The following SIPA1L2 variants were observed in gnomAD, a reference collection of about 807,000 sequenced individuals.
SIPA1L2 encodes the protein signal induced proliferation associated 1 like 2.
Under a neutral mutation model 163.9 loss-of-function variants are expected in SIPA1L2, and 56 were observed. The ratio of observed to expected loss-of-function variants is 0.34; its 90% CI spans 0.28 to 0.43. The LOEUF (loss-of-function observed/expected upper bound fraction) is 0.43. Among genes scored for constraint, SIPA1L2 ranks in the 20% least tolerant of loss-of-function variants. SIPA1L2 has a pLI of 1.00. For missense variants in SIPA1L2, 1,974 were observed against 2,193.5 expected, an observed-to-expected ratio of 0.90 and a Z score of 2.00; for synonymous variants, 877 against 865.7, an observed-to-expected ratio of 1.01 and a Z score of -0.23.
intron 10 of SIPA1L2, among the ~76,000 whole-genome samples, chr1:232,453,746 CTTTTTTTT>C (rs10711839): frequency 7.7e-6 from 1 of 130,210 alleles, no homozygotes; most frequent in African/African-American, 2.9e-5. Flanking sequence ...AAACACAAGG[CTTTTTTTT>C]TTTTTTTTTG....
intron 5 of SIPA1L2, among the ~76,000 whole-genome samples, chr1:232,487,954 A>G (rs1034707877): frequency 9.8e-5 from 14 of 143,376 alleles, no homozygotes; most frequent in African/African-American, 2.7e-4. Context: ...ACACACACAC[A>G]CGCACACATA....
intron 15 of SIPA1L2, among the ~76,000 whole-genome samples, chr1:232,437,355 G>A (rs1662625336): frequency 6.6e-6 from 1 of 151,878 alleles, no homozygotes; most frequent in Non-Finnish European, 1.5e-5. Context: ...AATTAAGCCA[G>A]GAATAATTCA....
At chr1:232,594,415 A>C (rs1249345722) in intron 1 of SIPA1L2, among the ~76,000 whole-genome samples, 1 of 152,050 alleles carries the variant, frequency 6.6e-6, no homozygotes, top group Non-Finnish European at 1.5e-5. Flanking sequence ...AGCACACAGG[A>C]GAGACGTGAG....
At chr1:232,532,887 A>C (rs1657062445) in intron 2 of SIPA1L2, among the ~76,000 whole-genome samples, 1 of 152,220 alleles carries the variant, frequency 6.6e-6, no homozygotes, top group Non-Finnish European at 1.5e-5. Context: ...CGCTAAAGAG[A>C]ACTGTGGAAC....
intron 15 of SIPA1L2, among the ~76,000 whole-genome samples, 199 bp from the exon 16 acceptor site, chr1:232,432,670 G>C (rs1572889757): frequency 2.0e-5 from 3 of 152,230 alleles, no homozygotes; most frequent in Admixed American, 2.0e-4. Flanking sequence ...TTACTCACGT[G>C]CAAGTTGTAT....
chr1:232,462,936 A>G (rs1441011367), intron 9 of SIPA1L2, among the ~76,000 whole-genome samples: 1 of 152,136 alleles, frequency 6.6e-6, no homozygotes, highest in East Asian at 1.9e-4. Flanking sequence ...TAACATCCCC[A>G]AAGTCTGAAG....
chr1:232,606,068 G>C (rs1185282698), intron 1 of SIPA1L2, among the ~76,000 whole-genome samples: 1 of 152,336 alleles, frequency 6.6e-6, no homozygotes, highest in East Asian at 1.9e-4. Flanking sequence ...AACAGCAAGA[G>C]AAAGGACCTC....
intron 5 of SIPA1L2, among the ~76,000 whole-genome samples, 163 bp from the exon 6 acceptor site, chr1:232,484,129 T>C (rs1293449393): frequency 2.6e-5 from 4 of 152,192 alleles, no homozygotes; most frequent in Admixed American, 2.0e-4. Context: ...CTGTGAAAGA[T>C]GCTACAAATA....
intron 11 of SIPA1L2, among the ~76,000 whole-genome samples, chr1:232,443,905 A>C (rs1305151052): frequency 6.6e-6 from 1 of 152,242 alleles, no homozygotes; most frequent in East Asian, 1.9e-4. Context: ...TGTCCTAGGA[A>C]AGAGGTATGA....
intron 2 of SIPA1L2, among the ~76,000 whole-genome samples, chr1:232,565,002 C>T (rs537700635): frequency 3.3e-4 from 51 of 152,266 alleles, no homozygotes; most frequent in Admixed American, 1.1e-3. Context: ...ACCACCATGG[C>T]ACATGTATAC....
At chr1:232,450,301 T>C (rs1663494960) in intron 10 of SIPA1L2, among the ~76,000 whole-genome samples, 2 of 152,252 alleles carry the variant, frequency 1.3e-5, no homozygotes, top group African/African-American at 4.8e-5. Context: ...CAAGGCTCTA[T>C]AAGTTTTGTT....
intron 3 of SIPA1L2, among the ~76,000 whole-genome samples, chr1:232,498,390 T>C (rs1666304608): frequency 6.6e-6 from 1 of 152,196 alleles, no homozygotes; most frequent in Non-Finnish European, 1.5e-5. Context: ...TGAGAACTTA[T>C]ATATCTATTG....
chr1:232,580,453 G>C (rs574195579), intron 1 of SIPA1L2, among the ~76,000 whole-genome samples: 2 of 152,160 alleles, frequency 1.3e-5, no homozygotes, highest in East Asian at 3.9e-4. Flanking sequence ...AGCCCAGTAG[G>C]TGTCAGCCTC....
At chr1:232,508,338 G>A (rs1021672903) in intron 3 of SIPA1L2, among the ~76,000 whole-genome samples, 3 of 152,110 alleles carry the variant, frequency 2.0e-5, no homozygotes, top group African/African-American at 7.2e-5. Context: ...GCACAGAACC[G>A]TTTTAGAACT....
intron 11 of SIPA1L2, among the ~76,000 whole-genome samples, chr1:232,444,928 AG>A (rs1028507297): frequency 2.8e-4 from 43 of 152,354 alleles, no homozygotes; most frequent in African/African-American, 1.0e-3. Context: ...AACAACAATA[AG>A]AAATTTATTA....
intron 2 of SIPA1L2, among the ~76,000 whole-genome samples, chr1:232,547,819 C>A (rs1329390034): frequency 6.6e-6 from 1 of 152,142 alleles, no homozygotes; most frequent in Non-Finnish European, 1.5e-5. Flanking sequence ...CCAAATCCCT[C>A]AAGCTTTAAG....
At chr1:232,627,854 G>T (rs1167322519) in intron 1 of SIPA1L2, among the ~76,000 whole-genome samples, 1 of 152,204 alleles carries the variant, frequency 6.6e-6, no homozygotes, top group Non-Finnish European at 1.5e-5. Flanking sequence ...TCTATAGGTA[G>T]AATGTGGGTA....
intron 2 of SIPA1L2, among the ~76,000 whole-genome samples, chr1:232,550,223 A>C (rs1658295082): frequency 6.6e-6 from 1 of 152,242 alleles, no homozygotes; most frequent in Non-Finnish European, 1.5e-5. Context: ...TCTGTCTAAA[A>C]GCTCAACAGA....
chr1:232,472,297 T>C (rs1181337227), intron 7 of SIPA1L2, among the ~76,000 whole-genome samples: 1 of 152,206 alleles, frequency 6.6e-6, no homozygotes, highest in Non-Finnish European at 1.5e-5. Flanking sequence ...CCCGGGCCTA[T>C]TTCTATTACA....
Sources: gnomAD v4.1 joint callset for allele counts (sites outside exome capture counted in the v4.1 genomes callset) on GRCh38, gnomAD v4.1.1 for gene constraint, MANE v1.5 for transcripts, NCBI Gene and HGNC (gene_info 2026-07-23, HGNC 2026-07-21) for gene names.